Variants in TSHR observed in about 807,000 individuals in gnomAD.
The protein encoded by TSHR is thyroid stimulating hormone receptor.
A neutral mutation model predicts 64.1 loss-of-function variants in TSHR; 51 were observed. The ratio of observed to expected loss-of-function variants is 0.80; its 90% confidence interval spans 0.64 to 1.01. The LOEUF (loss-of-function observed/expected upper bound fraction) is 1.01. TSHR is among the 50% of genes least tolerant of loss of function. The pLI is 0.00. For synonymous variants in TSHR, 361 were observed against 361.9 expected (o/e 1.00, Z 0.03); for missense variants, 877 against 942.8 (o/e 0.93, Z 0.91).
chr14:81,028,240 T>C (rs978241476), intron 1 of TSHR, among the ~76,000 whole-genome samples: 17 of 152,152 alleles, frequency 1.1e-4, no homozygotes, highest in African/African-American at 4.1e-4. Flanking sequence ...AATGAACTTA[T>C]CCTTCCAGGA....
chr14:81,032,664 G>T, intron 1 of TSHR: 1 of 422,912 alleles, frequency 2.4e-6, no homozygotes, highest in Admixed American at 2.9e-5. Flanking sequence ...AGTTGTCGAA[G>T]GCATAATCTC....
chr14:81,139,800 C>G lies in TSHR; in HGVS notation c.814C>G (p.Leu272Val). Residue 272 changes from leucine (L) to valine (V), a missense_variant, in exon 9 of 10, where the codon CTC becomes GTC. Physicochemically the swap from Leu to Val is conservative, Grantham distance 32. Transcript: ENST00000298171. ...TCCACTTTCCTTGAGTTTCCTTCAC[C>G]TCACACGGGCTGACCTTTCTTACCC... ...KLPLSLSFLH[L>V]TRADLSYPSH... The G allele has an allele frequency of 1.2e-6, 2 of 1,614,206 alleles. No homozygotes were observed. The highest frequency in any genetic ancestry group is 1.7e-6 in the Non-Finnish European group (2 of 1,180,040).
chr14:80,959,974 T>C lies in TSHR; in HGVS notation c.170+4124T>C, dbSNP rs182788670. On this transcript the variant is annotated intron_variant, in intron 1 of 9. Coordinates refer to ENST00000298171, the MANE Select transcript of TSHR (RefSeq NM_000369.5). The stretch of plus-strand genomic sequence containing the variant: ...TACAAATAAGAGGTAACCAGAAAAC[T>C]AAAGACAGAAAAAACAAAAATATAA... Among the ~76,000 whole-genome samples, 7 of 152,312 alleles carry C rather than the reference T, an allele frequency of 4.6e-5. No homozygotes were observed. The East Asian group carries it at 1.3e-3, about 29-fold the overall frequency.
At position 81,143,422 on chromosome 14, in the gene TSHR, A is replaced by G; in HGVS notation, c.1364A>G (p.Asn455Ser). 1 of 1,614,104 alleles carries G rather than the reference A, an allele frequency of 6.2e-7. No homozygotes were observed. Among genetic ancestry groups the G allele is most frequent in the Non-Finnish European group, 8.5e-7 (1 of 1,180,018 alleles). Reference sequence around the variant, plus strand: ...AACGTCCCCCGCTTTCTCATGTGCAACCTGGCCTTTGCGGATTTCTGCATG... The same window carrying G: ...AACGTCCCCCGCTTTCTCATGTGCAGCCTGGCCTTTGCGGATTTCTGCATG... ...KLNVPRFLMC[N>S]LAFADFCMGM... The change falls in exon 10 of 10, where the codon AAC becomes AGC. Residue 455 changes from asparagine (N) to serine (S), a missense_variant. Physicochemically the swap from Asn to Ser is conservative, Grantham distance 46 (BLOSUM62 1). Transcript: ENST00000298171.
intron 8 of TSHR, among the ~76,000 whole-genome samples, chr14:81,114,131 G>GAAA (rs11454893): frequency 4.9e-5 from 7 of 142,656 alleles, no homozygotes; most frequent in African/African-American, 1.3e-4. Context: ...CCAAGGAAAA[G>GAAA]AAAAAAAAAA....
chr14:81,013,340 TG>T (rs1205972661), intron 1 of TSHR: 1 of 152,260 alleles, frequency 6.6e-6, no homozygotes, highest in Non-Finnish European at 1.5e-5. Context: ...TTTTGGTTAC[TG>T]TAGCCTTGTA....
intron 1 of TSHR, among the ~76,000 whole-genome samples, chr14:81,011,107 T>C (rs1189378142): frequency 6.6e-6 from 1 of 152,168 alleles, no homozygotes; most frequent in African/African-American, 2.4e-5. Context: ...CTGAGTTGGG[T>C]TTTTCCTTTC....
At chr14:80,973,188 G>A (rs1240070062) in intron 1 of TSHR, among the ~76,000 whole-genome samples, 2 of 151,872 alleles carry the variant, frequency 1.3e-5, no homozygotes, top group East Asian at 1.9e-4. Flanking sequence ...GGCGGATCAC[G>A]AGGTCAGGAG....
intron 1 of TSHR, chr14:80,982,017 C>G (rs556999597): frequency 5.1e-6 from 2 of 390,064 alleles, no homozygotes; most frequent in African/African-American, 2.1e-5. Flanking sequence ...AGACAAGAGG[C>G]CAGGCCAAAG....
Position 81,008,408 on chromosome 14 carries a change from A to G in TSHR, c.170+52558A>G, listed in dbSNP as rs576730266. Among the ~76,000 whole-genome samples, 659 of 152,176 alleles carry G rather than the reference A, an allele frequency of 4.3e-3. 4 individuals carry two copies. Among genetic ancestry groups the G allele is most frequent in the African/African-American group, 0.013 (555 of 41,500 alleles). ...AGGATGGTCTCCATCTCCTGACTTC[A>G]TGATCTGCCCACCTTGGCCTCCCAA... On this transcript the variant is annotated intron_variant, in intron 1 of 9. Coordinates refer to ENST00000298171, the MANE Select transcript of TSHR (RefSeq NM_000369.5).
intron 1 of TSHR, among the ~76,000 whole-genome samples, chr14:80,998,500 A>G (rs756724812): frequency 9.9e-5 from 15 of 152,000 alleles, no homozygotes; most frequent in Admixed American, 3.9e-4. Context: ...ACACTGCAAT[A>G]TCTTGAAATT....
intron 1 of TSHR, among the ~76,000 whole-genome samples, chr14:80,998,737 G>A (rs549920965): frequency 6.6e-6 from 1 of 151,908 alleles, no homozygotes; most frequent in Non-Finnish European, 1.5e-5. Flanking sequence ...GTGTGCAATA[G>A]AGTAGAAGGA....
In TSHR at chr14:81,092,564, C is replaced by T. The variant is rs747039783; in HGVS notation, c.501C>T (p.Ile167=). 2 of 1,614,086 alleles carry T rather than the reference C, an allele frequency of 1.2e-6. No homozygotes were observed. Among genetic ancestry groups the T allele is most frequent in the East Asian group, 4.5e-5 (2 of 44,876 alleles). The change falls in exon 6 of 10, where the codon ATC becomes ATT. Residue 167 remains isoleucine, a synonymous_variant. Transcript: ENST00000298171. ...EITDNPYMTS[I]PVNAFQGLCN... ...CAGACAACCCTTACATGACGTCAATCCCTGTGAATGCTTTTCAGGGACTAT... is the reference window on the plus strand; with the variant it reads ...CAGACAACCCTTACATGACGTCAATTCCTGTGAATGCTTTTCAGGGACTAT...
At chr14:80,974,358 G>A (rs1402918784) in intron 1 of TSHR, among the ~76,000 whole-genome samples, 3 of 152,146 alleles carry the variant, frequency 2.0e-5, no homozygotes, top group African/African-American at 7.2e-5. Flanking sequence ...TTCCCAGTAG[G>A]GTAAAGGGAC....
intron 1 of TSHR, among the ~76,000 whole-genome samples, chr14:81,034,456 ATTTTTT>A (rs2139828831): frequency 6.6e-6 from 1 of 152,316 alleles, no homozygotes; most frequent in South Asian, 2.1e-4. Flanking sequence ...GTGAGAACTC[ATTTTTT>A]AAAACTGTGA....
chr14:81,087,829 T>C (rs1888398330), intron 3 of TSHR, 125 bp from the exon 4 acceptor site: 2 of 782,070 alleles, frequency 2.6e-6, no homozygotes, highest in East Asian at 5.2e-5. Flanking sequence ...GCCCCTGGGG[T>C]ACCCTGTGGC....
chr14:81,090,339 G>C (rs923435137), intron 4 of TSHR, among the ~76,000 whole-genome samples: 2 of 152,138 alleles, frequency 1.3e-5, no homozygotes. Context: ...CCACCTCCCA[G>C]GTTCAAGTGA....
At chr14:81,109,327 T>G (rs1452666406) in intron 8 of TSHR, among the ~76,000 whole-genome samples, 1 of 151,622 alleles carries the variant, frequency 6.6e-6, no homozygotes, top group East Asian at 1.9e-4. Flanking sequence ...GAGAATGGCA[T>G]GAACCCAGGA....
intron 1 of TSHR, among the ~76,000 whole-genome samples, chr14:81,000,152 G>A (rs1400514254): frequency 6.6e-5 from 10 of 151,850 alleles, no homozygotes; most frequent in Admixed American, 4.6e-4. Flanking sequence ...GGCTGGTCTC[G>A]AACTCCTGAG....
Sources: allele counts gnomAD v4.1 joint callset (sites outside exome capture counted in the v4.1 genomes callset), GRCh38; gene constraint gnomAD v4.1.1; transcripts MANE v1.5; gene names NCBI Gene and HGNC (gene_info 2026-07-23, HGNC 2026-07-21).